DUSP13A: variants seen among roughly 807,000 people sequenced by gnomAD.
DUSP13A encodes dual specificity phosphatase 13A.
the DUSP13A span, among the ~76,000 whole-genome samples, chr10:75,106,800 G>C: frequency 1.3e-5 from 2 of 152,228 alleles, no homozygotes; most frequent in African/African-American, 4.8e-5. Flanking sequence ...GTGAATGAAT[G>C]GATAAATAGC....
chr10:75,109,049 G>T, the DUSP13A span: 1 of 1,611,298 alleles, frequency 6.2e-7, no homozygotes, highest in Non-Finnish European at 8.5e-7. Flanking sequence ...TCGTCCACAC[G>T]GCTGCAAGAA....
chr10:75,105,858 C>G, the DUSP13A span: 3 of 1,549,200 alleles, frequency 1.9e-6, no homozygotes, highest in South Asian at 3.6e-5. Context: ...CACAGTGCAC[C>G]AGGACCTTGG....
the DUSP13A span, among the ~76,000 whole-genome samples, chr10:75,106,212 G>C: frequency 6.6e-6 from 1 of 150,556 alleles, no homozygotes; most frequent in Non-Finnish European, 1.5e-5. Context: ...AAAGTGTTGG[G>C]ATTACAGGCG....
the DUSP13A span, chr10:75,108,980 C>T: frequency 6.3e-7 from 1 of 1,580,042 alleles, no homozygotes; most frequent in Non-Finnish European, 8.6e-7. Flanking sequence ...CGTCCCCACC[C>T]CCATGCCCCT....
chr10:75,108,045 G>A, the DUSP13A span: 1 of 1,613,858 alleles, frequency 6.2e-7, no homozygotes, highest in Non-Finnish European at 8.5e-7. Flanking sequence ...GGAGAAGTAG[G>A]CACTGATGTC....
At chr10:75,105,915 A>C in the DUSP13A span, 1 of 1,522,168 alleles carries the variant, frequency 6.6e-7, no homozygotes, top group South Asian at 1.2e-5. Context: ...ACACCGGCCC[A>C]CCCACGGGCT....
At chr10:75,105,947 T>C in the DUSP13A span, 288 of 1,352,550 alleles carry the variant, frequency 2.1e-4, 2 homozygotes, top group South Asian at 3.8e-3. Flanking sequence ...CCAAGTTCCT[T>C]TCCTGACCCT....
At chr10:75,107,575 G>A in the DUSP13A span, among the ~76,000 whole-genome samples, 1 of 152,082 alleles carries the variant, frequency 6.6e-6, no homozygotes, top group African/African-American at 2.4e-5. Flanking sequence ...ACTAAGCAGA[G>A]GACTTTTTTT....
chr10:75,105,841 CCCA>C, the DUSP13A span: 4 of 1,550,442 alleles, frequency 2.6e-6, no homozygotes, highest in African/African-American at 5.5e-5. Context: ...GCGGCTCACG[CCCA>C]CCACACAGTG....
At chr10:75,108,373 G>T in the DUSP13A span, 2 of 1,319,508 alleles carry the variant, frequency 1.5e-6, no homozygotes, top group Non-Finnish European at 2.0e-6. Flanking sequence ...TATACCCAGA[G>T]CCCCGCACTT....
the DUSP13A span, chr10:75,108,890 C>T: frequency 7.4e-7 from 1 of 1,348,688 alleles, no homozygotes; most frequent in Non-Finnish European, 9.8e-7. Context: ...GGTCCCTGGC[C>T]TGGGATGGTC....
At chr10:75,108,165 G>T in the DUSP13A span, 1 of 1,612,346 alleles carries the variant, frequency 6.2e-7, no homozygotes, top group Non-Finnish European at 8.5e-7. Context: ...CAGCACGTGG[G>T]TGATGCCCAG....
At chr10:75,107,964 G>T in the DUSP13A span, 1 of 1,591,800 alleles carries the variant, frequency 6.3e-7, no homozygotes, top group Non-Finnish European at 8.6e-7. Flanking sequence ...GAGCAAGATG[G>T]GATATGGGCT....
the DUSP13A span, chr10:75,109,072 C>G: frequency 6.2e-7 from 1 of 1,612,348 alleles, no homozygotes. Context: ...CTTCCCTGCC[C>G]GCAGGAGCTC....
At chr10:75,107,592 G>T in the DUSP13A span, among the ~76,000 whole-genome samples, 2 of 151,838 alleles carry the variant, frequency 1.3e-5, no homozygotes, top group East Asian at 1.9e-4. Flanking sequence ...TTTTTGGCGG[G>T]GGGGGATGGA....
chr10:75,106,101 C>CTT, the DUSP13A span, among the ~76,000 whole-genome samples: 9 of 123,020 alleles, frequency 7.3e-5, no homozygotes, highest in African/African-American at 9.6e-5. Context: ...TCTTTCTTTT[C>CTT]TTTTTTTTTT....
the DUSP13A span, chr10:75,108,974 C>T: frequency 6.4e-7 from 1 of 1,569,384 alleles, no homozygotes. Context: ...TCTCCACGTC[C>T]CCACCCCCAT....
the DUSP13A span, among the ~76,000 whole-genome samples, chr10:75,106,163 A>T: frequency 2.8e-5 from 4 of 141,934 alleles, no homozygotes; most frequent in Non-Finnish European, 6.0e-5. Context: ...GCTGGTCTTG[A>T]ACTCCTGAAC....
chr10:75,105,919 A>G, the DUSP13A span: 4 of 1,515,804 alleles, frequency 2.6e-6, no homozygotes, highest in Non-Finnish European at 3.6e-6. Context: ...CGGCCCACCC[A>G]CGGGCTGGGA....
Sources: allele counts gnomAD v4.1 joint callset (sites outside exome capture counted in the v4.1 genomes callset), GRCh38; gene constraint gnomAD v4.1.1; transcripts MANE v1.5; gene names NCBI Gene and HGNC (gene_info 2026-07-23, HGNC 2026-07-21).